CFHR4: variants seen among roughly 807,000 people sequenced by gnomAD.
CFHR4 encodes complement factor H related 4, also known as complement factor H-related protein 4.
CFHR4 carries 64 observed loss-of-function variants against 69.3 expected under a neutral mutation model. The ratio of observed to expected loss-of-function variants is 0.92; its 90% CI spans 0.76 to 1.14. CFHR4 has a LOEUF of 1.14. Ranked by LOEUF, CFHR4 falls within the 50% of genes most tolerant of loss-of-function variation. The probability of loss-of-function intolerance (pLI) is 0.00; values close to 1 mark genes in which losing one functional copy is unlikely to be tolerated. For missense variants in CFHR4, 636 were observed against 684.9 expected (o/e 0.93, Z 0.80); for synonymous variants, 244 against 237.0 (o/e 1.03, Z -0.27).
intron 1 of CFHR4, among the ~76,000 whole-genome samples, chr1:196,901,157 G>A (rs1032119918): frequency 9.3e-5 from 14 of 151,216 alleles, no homozygotes; most frequent in African/African-American, 3.2e-4. Flanking sequence ...TTCAAAAACA[G>A]CACAGCTGAG....
intron 3 of CFHR4, 134 bp from the exon 4 acceptor site, chr1:196,906,727 C>T (rs941165778): frequency 2.7e-5 from 23 of 860,108 alleles, no homozygotes; most frequent in African/African-American, 2.1e-4. Context: ...CACTGATTGT[C>T]GGACTATTTT....
In CFHR4 at chr1:196,907,385, T is replaced by C. The variant is rs770753021; in HGVS notation, c.686T>C (p.Val229Ala). ...NGDTTSFPQKVYLPWSRVEYQ... is the reference protein window; with the variant it reads ...NGDTTSFPQKAYLPWSRVEYQ... The stretch of plus-strand genomic sequence containing the variant: ...GATACCACGTCCTTCCCGCAAAAAG[T>C]GTATCTGCCATGGTCAAGAGTCGAG... Residue 229 changes from valine (V) to alanine (A), a missense_variant, in exon 5 of 10, where the codon GTG becomes GCG. By Grantham distance (64) the Val-to-Ala change is moderately conservative (BLOSUM62 0). Transcript: ENST00000608469. The C allele has an allele frequency of 1.2e-6, 2 of 1,612,098 alleles. No individual in the cohort carries two copies. Among genetic ancestry groups the C allele is most frequent in the East Asian group, 4.5e-5 (2 of 44,808 alleles).
intron 1 of CFHR4, among the ~76,000 whole-genome samples, chr1:196,901,115 T>C (rs1657576932): frequency 6.6e-6 from 1 of 151,520 alleles, no homozygotes; most frequent in African/African-American, 2.4e-5. Context: ...TATTTGACTA[T>C]TGCAATAGGG....
At chr1:196,911,866 G>T (rs1658285810) in intron 6 of CFHR4, among the ~76,000 whole-genome samples, 1 of 151,444 alleles carries the variant, frequency 6.6e-6, no homozygotes, top group Non-Finnish European at 1.5e-5. Flanking sequence ...GTAGTTTAGA[G>T]GCTGGAGGAG....
At chr1:196,889,550 C>T (rs762180767) in intron 1 of CFHR4, among the ~76,000 whole-genome samples, 4 of 151,614 alleles carry the variant, frequency 2.6e-5, no homozygotes, top group South Asian at 2.1e-4. Context: ...AAACTTTTCT[C>T]CTCCAATGAA....
intron 6 of CFHR4, 92 bp from the exon 7 acceptor site, chr1:196,912,648 G>C: frequency 1.4e-5 from 18 of 1,333,240 alleles, no homozygotes; most frequent in Non-Finnish European, 1.8e-5. Context: ...ATGTTTCATT[G>C]TTTTGCCATA....
At chr1:196,903,629 G>A (rs367981349) in intron 2 of CFHR4, among the ~76,000 whole-genome samples, 4 of 150,496 alleles carry the variant, frequency 2.7e-5, no homozygotes, top group East Asian at 1.9e-4. Context: ...CTCCAGACTC[G>A]GTGATAGAGC....
At chr1:196,916,978 C>A (rs1188642140) in intron 9 of CFHR4, among the ~76,000 whole-genome samples, 1 of 151,446 alleles carries the variant, frequency 6.6e-6, no homozygotes, top group African/African-American at 2.4e-5. Flanking sequence ...CAGCAGGAAA[C>A]TTTAGAAAGT....
At chr1:196,909,544 C>T (rs1658121545) in intron 5 of CFHR4, among the ~76,000 whole-genome samples, 1 of 151,288 alleles carries the variant, frequency 6.6e-6, no homozygotes, top group Non-Finnish European at 1.5e-5. Flanking sequence ...GTGATATGTA[C>T]TATGTTAAGA....
At chr1:196,914,777 A>G in intron 8 of CFHR4, 106 bp downstream of exon 8, 2 of 1,397,310 alleles carry the variant, frequency 1.4e-6, no homozygotes, top group Non-Finnish European at 9.5e-7. Context: ...ATATATATGT[A>G]GTCCTCCTAT....
chr1:196,894,743 G>C (rs1352359446), intron 1 of CFHR4, among the ~76,000 whole-genome samples: 1 of 151,350 alleles, frequency 6.6e-6, no homozygotes, highest in African/African-American at 2.4e-5. Flanking sequence ...CTCTCTCTGT[G>C]TCTTTGCTAT....
rs748471569 is a variant in CFHR4 at position 196,906,917 on chromosome 1, T to C, written c.496T>C (p.Phe166Leu). The C allele has an allele frequency of 1.2e-6, 2 of 1,611,844 alleles. No homozygotes were observed. The highest frequency in any genetic ancestry group is 1.7e-5 in the Admixed American group (1 of 59,666). ...CAGAGCCAAGAGTAATGGCATGTGG[T>C]TTAAGCTCCATGACACATTGGACTA... ...NSRAKSNGMWFKLHDTLDYEC... is the reference protein window; with the variant it reads ...NSRAKSNGMWLKLHDTLDYEC... The change falls in exon 4 of 10, where the codon TTT (phenylalanine) becomes CTT (leucine). Residue 166 changes from phenylalanine to leucine, a missense_variant. Coordinates refer to ENST00000608469, the MANE Select transcript of CFHR4 (RefSeq NM_001201550.3).
At chr1:196,901,062 CAAATTAT>C (rs1657574736) in intron 1 of CFHR4, among the ~76,000 whole-genome samples, 1 of 151,364 alleles carries the variant, frequency 6.6e-6, no homozygotes, top group South Asian at 2.1e-4. Flanking sequence ...GTGTTAAAGA[CAAATTAT>C]TCATCTGACA....
chr1:196,912,346 TG>T (rs1443806793), intron 6 of CFHR4, among the ~76,000 whole-genome samples: 1 of 151,452 alleles, frequency 6.6e-6, no homozygotes, highest in Non-Finnish European at 1.5e-5. Context: ...TATCTTTGCC[TG>T]GGAAATGGCA....
chr1:196,902,401 T>C lies in CFHR4; in HGVS notation c.59-17T>C, dbSNP rs1468673523. ...AGAAAAACATTATTTATACTGTTTTTTGTTTTTTATTACAAGAAGTGAAAC... is the reference window on the plus strand; with the variant it reads ...AGAAAAACATTATTTATACTGTTTTCTGTTTTTTATTACAAGAAGTGAAAC... On this transcript the variant is annotated splice_polypyrimidine_tract_variant and intron_variant, in intron 1 of 9. Coordinates refer to ENST00000608469, the MANE Select transcript of CFHR4 (RefSeq NM_001201550.3). 2 of 1,529,524 alleles carry C rather than the reference T, an allele frequency of 1.3e-6. No homozygotes were observed. The highest frequency in any genetic ancestry group is 1.8e-6 in the Non-Finnish European group (2 of 1,113,536). 94.7% of individuals were successfully genotyped at this position (1,529,524 alleles called of 1,614,324 possible). A position where few individuals can be genotyped will look rare whatever the true frequency, so the allele number is the denominator to read the frequency against.
At chr1:196,905,669 T>C (rs114342305) in intron 3 of CFHR4, among the ~76,000 whole-genome samples, 2,099 of 151,592 alleles carry the variant, frequency 0.014, 111 homozygotes, top group African/African-American at 0.049. Flanking sequence ...GCTCACACTC[T>C]TAAGATGTAC....
intron 1 of CFHR4, among the ~76,000 whole-genome samples, chr1:196,895,754 T>A (rs1239008116): frequency 4.0e-5 from 6 of 151,512 alleles, no homozygotes. Flanking sequence ...CAGAGCTTTT[T>A]CAGGGAAACT....
At chr1:196,908,851 A>G (rs1658071693) in intron 5 of CFHR4, among the ~76,000 whole-genome samples, 1 of 151,404 alleles carries the variant, frequency 6.6e-6, no homozygotes, top group Admixed American at 6.6e-5. Context: ...TTTCTGTGAT[A>G]TGACTCATTT....
chr1:196,888,980 G>A (rs1211066152), intron 1 of CFHR4, among the ~76,000 whole-genome samples: 1 of 143,958 alleles, frequency 6.9e-6, no homozygotes, highest in Non-Finnish European at 1.5e-5. Context: ...GCATATTAAA[G>A]AACTATATTG....
Sources: gnomAD v4.1 joint callset for allele counts (sites outside exome capture counted in the v4.1 genomes callset) on GRCh38, gnomAD v4.1.1 for gene constraint, MANE v1.5 for transcripts, NCBI Gene and HGNC (gene_info 2026-07-23, HGNC 2026-07-21) for gene names.